The following LRBA variants were observed in gnomAD, a reference collection of about 807,000 sequenced individuals.
LRBA encodes the protein LPS responsive beige-like anchor protein, also known as lipopolysaccharide-responsive and beige-like anchor protein.
A neutral mutation model predicts 330.0 loss-of-function variants in LRBA; 176 were observed. That is an observed-to-expected ratio of 0.53 (90% CI 0.47 to 0.60). The LOEUF is 0.60. LRBA is among the 20% of genes least tolerant of loss of function. The pLI is 0.00. For missense variants in LRBA, 3,259 were observed against 3,444.8 expected (o/e 0.95, Z 1.35); for synonymous variants, 1,230 against 1,193.0 (o/e 1.03, Z -0.64).
intron 42 of LRBA, among the ~76,000 whole-genome samples, chr4:150,481,443 T>C (rs1757287337): frequency 6.6e-6 from 1 of 152,120 alleles, no homozygotes; most frequent in South Asian, 2.1e-4. Flanking sequence ...AAATGTATAA[T>C]ATTTATCAAA....
chr4:150,501,628 T>G (rs1044538309), intron 40 of LRBA, among the ~76,000 whole-genome samples: 5 of 151,366 alleles, frequency 3.3e-5, no homozygotes, highest in East Asian at 1.9e-4. Context: ...ATCTACAATC[T>G]AAGATTCTGG....
At chr4:150,274,122 T>A (rs981666825) in intron 56 of LRBA, among the ~76,000 whole-genome samples, 1 of 152,144 alleles carries the variant, frequency 6.6e-6, no homozygotes, top group African/African-American at 2.4e-5. Flanking sequence ...TCAGACGCAG[T>A]GCAATCAAAT....
intron 2 of LRBA, among the ~76,000 whole-genome samples, chr4:150,953,959 C>T (rs1175512154): frequency 2.1e-4 from 29 of 139,030 alleles, no homozygotes; most frequent in Non-Finnish European, 2.7e-4. Flanking sequence ...ATGTGGGGAG[C>T]GCCTCTGCCC....
chr4:150,959,886 A>G (rs963838948), intron 2 of LRBA, among the ~76,000 whole-genome samples: 8 of 146,534 alleles, frequency 5.5e-5, no homozygotes, highest in South Asian at 4.2e-4. Context: ...ATACATAAAT[A>G]TATAAAGTGT....
chr4:150,327,547 T>C (rs144977781), intron 48 of LRBA, among the ~76,000 whole-genome samples: 4 of 152,314 alleles, frequency 2.6e-5, no homozygotes, highest in African/African-American at 7.2e-5. Context: ...AAAGAACTTA[T>C]TGCTTCAGCA....
intron 5 of LRBA, among the ~76,000 whole-genome samples, chr4:150,920,027 A>C (rs886663345): frequency 6.6e-6 from 1 of 151,170 alleles, no homozygotes; most frequent in Non-Finnish European, 1.5e-5. Context: ...ATCGACTGTA[A>C]GGAAAAACTG....
At chr4:150,670,903 T>A (rs879628903) in intron 37 of LRBA, among the ~76,000 whole-genome samples, 10 of 152,054 alleles carry the variant, frequency 6.6e-5, no homozygotes, top group Admixed American at 2.0e-4. Flanking sequence ...ATAAAGGAAT[T>A]TTAGATTCAT....
chr4:150,411,978 T>A (rs1012724679), intron 47 of LRBA, among the ~76,000 whole-genome samples: 2 of 152,132 alleles, frequency 1.3e-5, no homozygotes, highest in Non-Finnish European at 2.9e-5. Flanking sequence ...TGTAGAAAGT[T>A]AAAAAGAAAT....
intron 2 of LRBA, among the ~76,000 whole-genome samples, chr4:150,970,150 T>C (rs536286922): frequency 1.4e-3 from 216 of 152,282 alleles, no homozygotes; most frequent in Admixed American, 7.0e-3. Context: ...ATAAAGCATT[T>C]TTTTAATGAA....
intron 35 of LRBA, among the ~76,000 whole-genome samples, chr4:150,758,572 C>CTTT (rs35416240): frequency 7.7e-5 from 9 of 117,024 alleles, no homozygotes; most frequent in African/African-American, 2.6e-4. Flanking sequence ...ATCTCTTTGT[C>CTTT]TTTTTTTTTT....
At chr4:150,579,916 T>C (rs947898651) in intron 40 of LRBA, 3 of 342,762 alleles carry the variant, frequency 8.8e-6, no homozygotes, top group Non-Finnish European at 1.2e-5. Context: ...GCACCCTCTA[T>C]CCCCGCCACC....
At chr4:150,413,258 C>A (rs981289592) in intron 47 of LRBA, among the ~76,000 whole-genome samples, 8 of 151,792 alleles carry the variant, frequency 5.3e-5, no homozygotes. Context: ...TGTAGGAATA[C>A]AAAATGGTAA....
intron 2 of LRBA, among the ~76,000 whole-genome samples, chr4:150,976,860 A>C (rs1197223963): frequency 6.6e-6 from 1 of 152,194 alleles, no homozygotes; most frequent in Non-Finnish European, 1.5e-5. Context: ...CTGCCCTGTC[A>C]CAGCGGAAAG....
rs549196186 is a variant in LRBA, at chr4:150,705,291, G to T, written c.5755-21574C>A. ...AATGAATTTAAGTTTTAGACAAAGT[G>T]AATATAAACGGGTAAGAAGACACCT... On this transcript the variant is annotated intron_variant, in intron 36 of 56. Coordinates refer to ENST00000651943, the MANE Select transcript of LRBA (RefSeq NM_001364905.1). 9.2e-5 allele frequency among the ~76,000 whole-genome samples: 14 copies of T among 152,204 alleles called. No individual in the cohort carries two copies. The South Asian group carries it at 2.9e-3, about 32-fold the overall frequency.
chr4:150,552,458 C>T (rs1382524750), intron 40 of LRBA, among the ~76,000 whole-genome samples: 1 of 152,060 alleles, frequency 6.6e-6, no homozygotes, highest in African/African-American at 2.4e-5. Flanking sequence ...TACCATCTCA[C>T]ACCAGTTAGA....
At chr4:150,377,702 A>G (rs1163565918) in intron 47 of LRBA, among the ~76,000 whole-genome samples, 6 of 152,192 alleles carry the variant, frequency 3.9e-5, no homozygotes, top group Non-Finnish European at 8.8e-5. Flanking sequence ...TTATAAATCA[A>G]TGCCTCATTT....
At chr4:150,498,494 AT>A (rs202031402) in intron 40 of LRBA, among the ~76,000 whole-genome samples, 12 of 151,688 alleles carry the variant, frequency 7.9e-5, no homozygotes, top group Non-Finnish European at 1.0e-4. Flanking sequence ...ATAAGTCTAA[AT>A]TTTTTTTTGA....
At chr4:150,547,300 AAAAAAG>A (rs1350089255) in intron 40 of LRBA, among the ~76,000 whole-genome samples, 6 of 152,136 alleles carry the variant, frequency 3.9e-5, no homozygotes, top group African/African-American at 1.4e-4. Flanking sequence ...CACAAAAAGG[AAAAAAG>A]AAAAAGAAAA....
chr4:150,634,140 C>G (rs1681867857), intron 37 of LRBA, among the ~76,000 whole-genome samples: 1 of 152,076 alleles, frequency 6.6e-6, no homozygotes, highest in South Asian at 2.1e-4. Context: ...CCGTCTTCAT[C>G]TAGCTACCTC....
Sources: allele counts gnomAD v4.1 joint callset (sites outside exome capture counted in the v4.1 genomes callset), GRCh38; gene constraint gnomAD v4.1.1; transcripts MANE v1.5; gene names NCBI Gene and HGNC (gene_info 2026-07-23, HGNC 2026-07-21).